The following SDK1 variants were observed in gnomAD, a reference collection of about 807,000 sequenced individuals.
SDK1 encodes the protein protein sidekick-1.
In SDK1, 157 loss-of-function variants were observed where a neutral mutation model predicts 245.5. That is an observed-to-expected ratio of 0.64 (90% confidence interval 0.56 to 0.73). The LOEUF is 0.73. Ranked by LOEUF, SDK1 falls within the 30% of genes least tolerant of loss-of-function variation. The pLI is 0.00. For missense variants in SDK1, 3,583 were observed against 3,002.3 expected, an observed-to-expected ratio of 1.19 and a Z score of -4.52; for synonymous variants, 1,647 against 1,278.5, an observed-to-expected ratio of 1.29 and a Z score of -6.15.
intron 1 of SDK1, among the ~76,000 whole-genome samples, chr7:3,429,411 C>T (rs1192540843): frequency 6.6e-6 from 1 of 152,048 alleles, no homozygotes; most frequent in Non-Finnish European, 1.5e-5. Flanking sequence ...TGTTTTTAAT[C>T]CAGGCCCTTT....
chr7:3,476,973 A>G (rs1305113441), intron 1 of SDK1, among the ~76,000 whole-genome samples: 1 of 152,214 alleles, frequency 6.6e-6, no homozygotes, highest in Non-Finnish European at 1.5e-5. Flanking sequence ...GAGGGAAGCC[A>G]TATGGCTGAA....
At chr7:3,637,952 G>C (rs949867603) in intron 2 of SDK1, among the ~76,000 whole-genome samples, 1 of 152,220 alleles carries the variant, frequency 6.6e-6, no homozygotes, top group Non-Finnish European at 1.5e-5. Context: ...CCTGTGGAGT[G>C]ACACAAGACA....
chr7:3,541,974 C>G (rs2128620726), intron 1 of SDK1, among the ~76,000 whole-genome samples: 1 of 152,284 alleles, frequency 6.6e-6, no homozygotes, highest in East Asian at 1.9e-4. Context: ...CTTGTGGGTG[C>G]AGCACATCAA....
chr7:3,742,403 G>T (rs2115053906), intron 4 of SDK1, among the ~76,000 whole-genome samples: 1 of 152,214 alleles, frequency 6.6e-6, no homozygotes, highest in South Asian at 2.1e-4. Flanking sequence ...TTCCGGTAAG[G>T]AGAATTTCCC....
intron 32 of SDK1, among the ~76,000 whole-genome samples, chr7:4,170,985 TCCAGCCTC>T (rs2128216289): frequency 6.6e-6 from 1 of 152,332 alleles, no homozygotes; most frequent in African/African-American, 2.4e-5. Flanking sequence ...TGTTCCCCTA[TCCAGCCTC>T]GACTGTGCCT....
At chr7:3,336,908 C>G (rs566573463) in intron 1 of SDK1, among the ~76,000 whole-genome samples, 20 of 152,186 alleles carry the variant, frequency 1.3e-4, no homozygotes, top group Non-Finnish European at 2.8e-4. Context: ...ACTGAATGTG[C>G]ATACCCACTC....
intron 5 of SDK1, among the ~76,000 whole-genome samples, chr7:3,938,659 A>AAAAAAAAAAAAAAAAAAAG (rs1554284813): frequency 1.3e-5 from 2 of 150,946 alleles, no homozygotes; most frequent in African/African-American, 5.0e-5. Flanking sequence ...AAAAAAAAAA[A>AAAAAAAAAAAAAAAAAAAG]AGAGATCCTC....
chr7:3,480,483 A>T (rs1298203214), intron 1 of SDK1, among the ~76,000 whole-genome samples: 3 of 152,106 alleles, frequency 2.0e-5, no homozygotes, highest in Non-Finnish European at 2.9e-5. Context: ...TCGTGCACAT[A>T]CGCTCATGTA....
At chr7:3,327,821 A>G (rs1340854489) in intron 1 of SDK1, among the ~76,000 whole-genome samples, 1 of 152,170 alleles carries the variant, frequency 6.6e-6, no homozygotes, top group Non-Finnish European at 1.5e-5. Context: ...CCCCAGGAAT[A>G]TTATGTAATG....
chr7:3,352,692 A>G (rs1179597444), intron 1 of SDK1, among the ~76,000 whole-genome samples: 1 of 152,050 alleles, frequency 6.6e-6, no homozygotes, highest in Non-Finnish European at 1.5e-5. Context: ...TCCCATTTCC[A>G]TTCCTGAAGG....
chr7:3,624,013 A>G (rs1782030213), intron 2 of SDK1, among the ~76,000 whole-genome samples: 1 of 152,194 alleles, frequency 6.6e-6, no homozygotes, highest in African/African-American at 2.4e-5. Flanking sequence ...ATCAATAAAA[A>G]TTATGAAATA....
chr7:3,545,580 C>A (rs1271378149), intron 1 of SDK1, among the ~76,000 whole-genome samples: 2 of 152,162 alleles, frequency 1.3e-5, no homozygotes, highest in Non-Finnish European at 2.9e-5. Context: ...CATCCTAGCA[C>A]CTAGTTTACA....
intron 1 of SDK1, among the ~76,000 whole-genome samples, chr7:3,603,031 A>G (rs1781299593): frequency 6.6e-6 from 1 of 152,044 alleles, no homozygotes; most frequent in Non-Finnish European, 1.5e-5. Flanking sequence ...GTTCTGTTCC[A>G]TTGATCTATA....
At chr7:4,170,502 G>T (rs1027769999) in intron 32 of SDK1, among the ~76,000 whole-genome samples, 2 of 152,096 alleles carry the variant, frequency 1.3e-5, no homozygotes, top group Non-Finnish European at 2.9e-5. Flanking sequence ...GATGTGAGTG[G>T]ATGTGCAAGT....
intron 8 of SDK1, among the ~76,000 whole-genome samples, chr7:3,960,670 G>A (rs560760067): frequency 6.6e-6 from 1 of 152,278 alleles, no homozygotes; most frequent in South Asian, 2.1e-4. Flanking sequence ...CTCCTGACCA[G>A]CTCACAGCGG....
intron 14 of SDK1, among the ~76,000 whole-genome samples, chr7:3,989,656 G>A (rs777789132): frequency 2.6e-4 from 39 of 152,136 alleles, no homozygotes; most frequent in Non-Finnish European, 3.8e-4. Context: ...CCAGCTCCCC[G>A]TGGGTCCCTG....
intron 5 of SDK1, 71 bp from the exon 6 acceptor site, chr7:3,950,852 C>G: frequency 8.3e-7 from 1 of 1,203,162 alleles, no homozygotes; most frequent in East Asian, 2.4e-5. Context: ...TGGAACGTGT[C>G]CCCTCAGATA....
intron 4 of SDK1, among the ~76,000 whole-genome samples, chr7:3,749,743 G>A (rs187041561): frequency 2.6e-5 from 4 of 152,292 alleles, no homozygotes; most frequent in East Asian, 1.9e-4. Flanking sequence ...AAAGCACCTC[G>A]TGGGCTGGCA....
intron 4 of SDK1, among the ~76,000 whole-genome samples, chr7:3,701,400 A>G (rs941083237): frequency 1.3e-5 from 2 of 152,186 alleles, no homozygotes; most frequent in African/African-American, 4.8e-5. Context: ...GTTTAATGTA[A>G]TTCATATCAA....
Sources: gnomAD v4.1 joint callset for allele counts (sites outside exome capture counted in the v4.1 genomes callset) on GRCh38, gnomAD v4.1.1 for gene constraint, MANE v1.5 for transcripts, NCBI Gene and HGNC (gene_info 2026-07-23, HGNC 2026-07-21) for gene names.